Variants in TMEM140 observed in about 807,000 individuals in gnomAD.
TMEM140 encodes the protein transmembrane protein 140.
For synonymous variants in TMEM140, 107 were observed against 106.8 expected, an observed-to-expected ratio of 1.00 and a Z score of -0.01; for missense variants, 236 against 228.5, an observed-to-expected ratio of 1.03 and a Z score of -0.21.
At chr7:135,157,634 G>A (rs1235960352) in intron 1 of TMEM140, among the ~76,000 whole-genome samples, 1 of 152,230 alleles carries the variant, frequency 6.6e-6, no homozygotes, top group Non-Finnish European at 1.5e-5. Flanking sequence ...GTGGTGTCAT[G>A]TGAGTGATGG....
At chr7:135,156,881 G>T (rs1829808294) in intron 1 of TMEM140, among the ~76,000 whole-genome samples, 1 of 152,098 alleles carries the variant, frequency 6.6e-6, no homozygotes, top group Admixed American at 6.5e-5. Flanking sequence ...CATGGGGGCT[G>T]GTCTTTCCCA....
At chr7:135,156,032 GT>G (rs34544342) in intron 1 of TMEM140, among the ~76,000 whole-genome samples, 72,949 of 149,112 alleles carry the variant, frequency 0.49, 17,925 homozygotes, top group South Asian at 0.66. Context: ...CAGACACACT[GT>G]TTTTTTTTTT....
At chr7:135,148,646 C>A (rs1038775161) in intron 1 of TMEM140, among the ~76,000 whole-genome samples, 3 of 152,166 alleles carry the variant, frequency 2.0e-5, no homozygotes, top group African/African-American at 7.2e-5. Flanking sequence ...AATAGGTAAA[C>A]AAAAGCAGGT....
At chr7:135,156,541 G>T (rs1037394102) in intron 1 of TMEM140, among the ~76,000 whole-genome samples, 1 of 151,742 alleles carries the variant, frequency 6.6e-6, no homozygotes, top group African/African-American at 2.4e-5. Flanking sequence ...GAATTTTTTA[G>T]TTCCAGAATT....
In TMEM140 at chr7:135,164,534, T is replaced by C. The variant is rs369926997; in HGVS notation, c.93T>C (p.Ala31=). ...VIVVICLMFY[A]LLWEAGNLTD... ...TGGTCATCTGCCTGATGTTTTACGC[T>C]CTTCTCTGGGAGGCTGGCAACCTCA... Residue 31 remains alanine (A), a synonymous_variant, in exon 2 of 2, where the codon GCT becomes GCC. Coordinates refer to ENST00000275767, the MANE Select transcript of TMEM140 (RefSeq NM_018295.5). 10 of 1,614,040 alleles carry C rather than the reference T, an allele frequency of 6.2e-6. No individual in the cohort carries two copies. In the African/African-American group the frequency reaches 1.2e-4, roughly 19 times the overall value.
At chr7:135,150,179 T>G (rs1479270817) in intron 1 of TMEM140, among the ~76,000 whole-genome samples, 1 of 152,178 alleles carries the variant, frequency 6.6e-6, no homozygotes, top group African/African-American at 2.4e-5. Context: ...AAAATAGTTT[T>G]GTTTCTCTTT....
In TMEM140 at chr7:135,165,807, T is replaced by C. The variant is rs1830092792; in HGVS notation, c.*808T>C. ...ACGCATTGGGGAATTGTGTGTATTT[T>C]CTAGCACTTGTGTATTGGAAAACCT... On this transcript the variant is annotated 3_prime_UTR_variant, in exon 2 of 2. Transcript: ENST00000275767. 1 of 167,148 alleles carries C rather than the reference T, an allele frequency of 6.0e-6. No individual in the cohort carries two copies. Among genetic ancestry groups the C allele is most frequent in the Non-Finnish European group, 1.5e-5 (1 of 68,140 alleles). 10.4% of individuals were successfully genotyped at this position (167,148 alleles called of 1,614,324 possible). A position where few individuals can be genotyped will look rare whatever the true frequency, so the allele number is the denominator to read the frequency against.
chr7:135,148,773 A>G (rs1012874210), intron 1 of TMEM140, among the ~76,000 whole-genome samples: 1 of 152,254 alleles, frequency 6.6e-6, no homozygotes, highest in African/African-American at 2.4e-5. Flanking sequence ...TGCCTCAAAG[A>G]ATGGGACCTA....
chr7:135,156,896 A>G (rs1829808987), intron 1 of TMEM140, among the ~76,000 whole-genome samples: 1 of 152,126 alleles, frequency 6.6e-6, no homozygotes, highest in African/African-American at 2.4e-5. Context: ...TTCCCATGCT[A>G]TTCTCGTGAT....
rs111968031 is a variant in TMEM140, at chr7:135,159,526, A to G, written c.-24-4892A>G. ...TTTAAGCAGAAATCATCTCCCTCCT[A>G]AGGCCCTGCTCAGGCTGTAACTCTT... is the stretch of plus-strand genomic sequence containing the variant. On this transcript the variant is annotated intron_variant, in intron 1 of 1. Coordinates refer to ENST00000275767, the MANE Select transcript of TMEM140 (RefSeq NM_018295.5). 2.0e-3 allele frequency among the ~76,000 whole-genome samples: 312 copies of G among 152,252 alleles called. 4 individuals carry two copies. Among genetic ancestry groups the G allele is most frequent in the African/African-American group, 6.9e-3 (287 of 41,546 alleles).
In TMEM140 at chr7:135,164,995, G is replaced by A. The variant is rs759022678; in HGVS notation, c.554G>A (p.Cys185Tyr). ...AGGGCTGAGAGCAAGCTTGAGAGCT[G>A]CTAAAGGCTTACGTGATTGCAAGGG... ...AERAESKLES[C>Y] is the part of the protein sequence containing the mutation. The change falls in exon 2 of 2, where the codon TGC becomes TAC. Residue 185 changes from cysteine (C) to tyrosine (Y), a missense_variant. Transcript: ENST00000275767. 6.3e-7 allele frequency: 1 copy of A among 1,584,032 alleles called. No homozygotes were observed. The highest frequency in any genetic ancestry group is 1.1e-5 in the South Asian group (1 of 87,754).
chr7:135,156,902 G>C (rs572816893), intron 1 of TMEM140, among the ~76,000 whole-genome samples: 11 of 152,142 alleles, frequency 7.2e-5, no homozygotes, highest in Non-Finnish European at 1.6e-4. Context: ...TGCTATTCTC[G>C]TGATAGTGAA....
rs572695038 is a variant in TMEM140, at chr7:135,164,705, C to T, written c.264C>T (p.Tyr88=). The part of the protein sequence containing the change: ...VGLGLARLGV[Y]GSLVLTLFAP... ...TGGGCCTGGCCAGGCTTGGCGTGTA[C>T]GGGTCCCTGGTCCTCACCCTCTTTG... The change falls in exon 2 of 2, where the codon TAC becomes TAT. Residue 88 remains tyrosine (Y), a synonymous_variant. Coordinates refer to ENST00000275767, the MANE Select transcript of TMEM140 (RefSeq NM_018295.5). 1.6e-4 allele frequency: 261 copies of T among 1,614,198 alleles called. 4 individuals carry two copies. The South Asian group carries it at 2.2e-3, about 14-fold the overall frequency.
intron 1 of TMEM140, among the ~76,000 whole-genome samples, chr7:135,156,053 A>G (rs1272267825): frequency 1.3e-5 from 2 of 151,266 alleles, no homozygotes; most frequent in Non-Finnish European, 2.9e-5. Context: ...TCCCTTTAGC[A>G]CTTTGAAAAT....
chr7:135,157,719 G>A (rs1585350778), intron 1 of TMEM140, among the ~76,000 whole-genome samples: 1 of 152,220 alleles, frequency 6.6e-6, no homozygotes, highest in Non-Finnish European at 1.5e-5. Flanking sequence ...TGATGGGTTG[G>A]GTGAGCTACT....
At chr7:135,158,006 G>T (rs987296884) in intron 1 of TMEM140, among the ~76,000 whole-genome samples, 1 of 151,668 alleles carries the variant, frequency 6.6e-6, no homozygotes, top group African/African-American at 2.4e-5. Flanking sequence ...ACAGCAACCC[G>T]TAGCAGGCAC....
chr7:135,162,621 A>G (rs1829973381), intron 1 of TMEM140, among the ~76,000 whole-genome samples: 1 of 152,212 alleles, frequency 6.6e-6, no homozygotes, highest in Admixed American at 6.5e-5. Context: ...ACCATCAGAT[A>G]TCATGAGACT....
rs754822323 is a variant in TMEM140, at chr7:135,164,425, G to A, written c.-17G>A. ...GCTGTGACTTCCCCGCAGGTCCCCC[G>A]GCAGAGGGCAGTAGAGATGGCCGGC... On this transcript the variant is annotated 5_prime_UTR_variant, in exon 2 of 2. Coordinates refer to ENST00000275767, the MANE Select transcript of TMEM140 (RefSeq NM_018295.5). 4.9e-5 allele frequency: 77 copies of A among 1,587,058 alleles called. No individual in the cohort carries two copies. Among genetic ancestry groups the A allele is most frequent in the Admixed American group, 1.9e-4 (11 of 59,454 alleles).
At position 135,164,432 on chromosome 7, in the gene TMEM140, G is replaced by T. The variant is rs748072786; in HGVS notation, c.-10G>T. 6.3e-7 allele frequency: 1 copy of T among 1,595,198 alleles called. No individual in the cohort carries two copies. The highest frequency in any genetic ancestry group is 8.6e-7 in the Non-Finnish European group (1 of 1,164,222). ...CTTCCCCGCAGGTCCCCCGGCAGAG[G>T]GCAGTAGAGATGGCCGGCCCAAGGC... On this transcript the variant is annotated 5_prime_UTR_variant, in exon 2 of 2. Coordinates refer to ENST00000275767, the MANE Select transcript of TMEM140 (RefSeq NM_018295.5).
Sources: gnomAD v4.1 joint callset for allele counts (sites outside exome capture counted in the v4.1 genomes callset) on GRCh38, gnomAD v4.1.1 for gene constraint, MANE v1.5 for transcripts, NCBI Gene and HGNC (gene_info 2026-07-23, HGNC 2026-07-21) for gene names.